The following CACNA1A variants were observed in gnomAD, a reference collection of about 807,000 sequenced individuals.
The protein encoded by CACNA1A is voltage-dependent P/Q-type calcium channel subunit alpha-1A.
In CACNA1A, 57 loss-of-function variants were observed where a neutral mutation model predicts 262.4. The ratio of observed to expected loss-of-function variants is 0.22; its 90% CI spans 0.18 to 0.27. The LOEUF is 0.27. Among genes scored for constraint, CACNA1A ranks in the 10% least tolerant of loss-of-function variants. CACNA1A has a pLI of 1.00. For synonymous variants in CACNA1A, 1,431 were observed against 1,419.3 expected (o/e 1.01, Z -0.18); for missense variants, 2,526 against 3,562.8 (o/e 0.71, Z 7.41).
chr19:13,418,132 G>C (rs2060255930), intron 3 of CACNA1A, among the ~76,000 whole-genome samples: 1 of 152,148 alleles, frequency 6.6e-6, no homozygotes, highest in South Asian at 2.1e-4. Flanking sequence ...CCTCAGGTGA[G>C]TTACTTAACC....
chr19:13,468,855 A>G (rs1337104627), intron 1 of CACNA1A, among the ~76,000 whole-genome samples: 1 of 152,174 alleles, frequency 6.6e-6, no homozygotes, highest in African/African-American at 2.4e-5. Flanking sequence ...TCTAAGACCA[A>G]GGTGGGGCCA....
intron 3 of CACNA1A, among the ~76,000 whole-genome samples, chr19:13,408,725 G>A (rs759760094): frequency 5.3e-5 from 8 of 152,172 alleles, no homozygotes; most frequent in Non-Finnish European, 1.2e-4. Context: ...ATAAGCTCAT[G>A]GCTTTTGAGA....
At chr19:13,414,107 C>T (rs903683996) in intron 3 of CACNA1A, among the ~76,000 whole-genome samples, 4 of 151,610 alleles carry the variant, frequency 2.6e-5, no homozygotes, top group African/African-American at 9.7e-5. Flanking sequence ...GTCTGTAGTC[C>T]CAGCTACTCA....
At chr19:13,351,164 C>T (rs1022134264) in intron 6 of CACNA1A, among the ~76,000 whole-genome samples, 3 of 152,144 alleles carry the variant, frequency 2.0e-5, no homozygotes, top group Admixed American at 2.0e-4. Context: ...CTACTCTATT[C>T]TTCGGAAATG....
At chr19:13,235,496 C>G (rs781340172) in intron 32 of CACNA1A, 118 bp downstream of exon 32, 22 of 812,986 alleles carry the variant, frequency 2.7e-5, no homozygotes, top group Admixed American at 6.0e-5. Context: ...TTGGAGATAA[C>G]AGATTCTCTG....
chr19:13,207,486 G>A lies in CACNA1A; in HGVS notation c.7348C>T (p.Arg2450Cys), dbSNP rs1397153104. ...VRHASSGATGRSPRTPRASGP... is the reference protein window; with the variant it reads ...VRHASSGATGCSPRTPRASGP... ...GAGGCCCGGGGAGTCCTGGGCGAGC[G>A]CCCGGTGGCGCCCGAGGACGCGTGT... The change falls in exon 47 of 47, where the codon CGC becomes TGC. Residue 2450 changes from arginine to cysteine, a missense_variant. Physicochemically the swap from Arg to Cys is radical, Grantham distance 180. Transcript: ENST00000360228. The surrounding 1 kb of genome is among the most constrained non-coding windows in gnomAD (Gnocchi z 5.7). The A allele has an allele frequency of 4.9e-6, 7 of 1,424,764 alleles. No individual in the cohort carries two copies. The highest frequency in any genetic ancestry group is 6.0e-5 in the Admixed American group (2 of 33,090). 88.3% of individuals were successfully genotyped at this position (1,424,764 alleles called of 1,614,324 possible).
chr19:13,427,439 C>T (rs936066121), intron 3 of CACNA1A, among the ~76,000 whole-genome samples: 3 of 141,346 alleles, frequency 2.1e-5, no homozygotes, highest in Non-Finnish European at 3.0e-5. Context: ...GCAAGAAGAG[C>T]GAAACTCCAT....
rs1301981459 is a variant in CACNA1A, at chr19:13,323,014, G to A, written c.1346-5693C>T. On this transcript the variant is annotated intron_variant, in intron 10 of 46. Coordinates refer to ENST00000360228, the MANE Select transcript of CACNA1A (RefSeq NM_001127222.2). ...AGGCTGGGCACAGTGTCTCACACCT[G>A]TAATCCCAGCACTTTGGGAGGCCAA... is the stretch of plus-strand genomic sequence containing the variant. Among the ~76,000 whole-genome samples the A allele has an allele frequency of 7.2e-5, 11 of 152,176 alleles. 1 individual carries two copies. The highest frequency in any genetic ancestry group is 1.5e-5 in the Non-Finnish European group (1 of 68,028).
chr19:13,449,107 C>T (rs548092496), intron 3 of CACNA1A, among the ~76,000 whole-genome samples: 2 of 152,060 alleles, frequency 1.3e-5, no homozygotes, highest in East Asian at 3.9e-4. Context: ...GCTGGGACTA[C>T]AGGCGTGCGT....
At chr19:13,283,867 A>T (rs1306657642) in intron 21 of CACNA1A, 1 of 153,410 alleles carries the variant, frequency 6.5e-6, no homozygotes, top group Admixed American at 6.4e-5. Context: ...TCTGTAAAAT[A>T]GCCGTAATAC....
chr19:13,286,511 A>G lies in CACNA1A; in HGVS notation c.3545T>C (p.Val1182Ala), dbSNP rs2057402379. The change falls in exon 20 of 47, where the codon GTC becomes GCC. Residue 1182 changes from valine (V) to alanine (A), a missense_variant. Physicochemically the swap from Val to Ala is moderately conservative, Grantham distance 64 (BLOSUM62 0). Coordinates refer to ENST00000360228, the MANE Select transcript of CACNA1A (RefSeq NM_001127222.2). ...PACPPPLNHT[V>A]VQVNKNANPD... ...AGAGCAGAGGGTCTCACCTTGTACGACGGTGTGGTTGAGGGGGGGTGGGCA... is the reference window on the plus strand; with the variant it reads ...AGAGCAGAGGGTCTCACCTTGTACGGCGGTGTGGTTGAGGGGGGGTGGGCA... The G allele has an allele frequency of 1.2e-6, 1 of 851,918 alleles. No individual in the cohort carries two copies. The highest frequency in any genetic ancestry group is 1.6e-5 in the South Asian group (1 of 60,732). The allele number at this position is 851,918 out of a possible 1,614,324, so 52.8% of individuals were successfully genotyped here.
chr19:13,428,616 G>A (rs903430237), intron 3 of CACNA1A, among the ~76,000 whole-genome samples: 1 of 152,108 alleles, frequency 6.6e-6, no homozygotes, highest in African/African-American at 2.4e-5. Flanking sequence ...AGGTGGCATC[G>A]TTCCATTTCA....
chr19:13,432,493 G>A (rs1299975116), intron 3 of CACNA1A, among the ~76,000 whole-genome samples: 2 of 151,724 alleles, frequency 1.3e-5, no homozygotes, highest in African/African-American at 4.8e-5. Context: ...ACCCATGGAA[G>A]CAGAGAGAAT....
chr19:13,403,930 C>T (rs1223486315), intron 3 of CACNA1A, among the ~76,000 whole-genome samples: 1 of 151,982 alleles, frequency 6.6e-6, no homozygotes, highest in Non-Finnish European at 1.5e-5. Context: ...GCTCTCCAGC[C>T]TGGGTGACAG....
At chr19:13,339,642 C>T (rs978210099) in intron 6 of CACNA1A, among the ~76,000 whole-genome samples, 16 of 151,966 alleles carry the variant, frequency 1.1e-4, no homozygotes, top group East Asian at 1.9e-4. Flanking sequence ...CTGAGCACTA[C>T]GCATTATATG....
At chr19:13,345,755 G>C (rs2058751745) in intron 6 of CACNA1A, among the ~76,000 whole-genome samples, 1 of 152,162 alleles carries the variant, frequency 6.6e-6, no homozygotes, top group African/African-American at 2.4e-5. Flanking sequence ...GACCGTGAGA[G>C]AGGCTGTGTG....
intron 38 of CACNA1A, among the ~76,000 whole-genome samples, chr19:13,221,744 T>A (rs1253762134): frequency 6.6e-6 from 1 of 152,070 alleles, no homozygotes; most frequent in African/African-American, 2.4e-5. Flanking sequence ...ACACGGTTGG[T>A]CCCCTTCCTC....
intron 10 of CACNA1A, among the ~76,000 whole-genome samples, chr19:13,323,266 A>T (rs953009090): frequency 6.9e-6 from 1 of 145,030 alleles, no homozygotes; most frequent in African/African-American, 2.5e-5. Flanking sequence ...CTCAAAAACA[A>T]AACAAAAAAC....
intron 10 of CACNA1A, among the ~76,000 whole-genome samples, chr19:13,319,340 A>G (rs988131959): frequency 6.6e-6 from 1 of 152,176 alleles, no homozygotes. Context: ...TCTTAAATTC[A>G]TTAGCACATT....
Sources: gnomAD v4.1 joint callset for allele counts (sites outside exome capture counted in the v4.1 genomes callset) on GRCh38, gnomAD v4.1.1 for gene constraint, Gnocchi (gnomAD v3.1) non-coding constraint, MANE v1.5 for transcripts, NCBI Gene and HGNC (gene_info 2026-07-23, HGNC 2026-07-21) for gene names.